DLG1: variants seen among roughly 807,000 people sequenced by gnomAD.
The protein encoded by DLG1 is discs large MAGUK scaffold protein 1, also known as disks large homolog 1.
In DLG1, 42 loss-of-function variants were observed where a neutral mutation model predicts 123.4. The observed-to-expected ratio is 0.34, with a 90% confidence interval of 0.27 to 0.44. DLG1 has a LOEUF of 0.44. Among genes scored for constraint, DLG1 ranks in the 20% least tolerant of loss-of-function variants. DLG1 has a pLI of 1.00. For missense variants in DLG1, 942 were observed against 1,082.6 expected (o/e 0.87, Z 1.82); for synonymous variants, 317 against 356.2 (o/e 0.89, Z 1.24).
At chr3:197,065,606 A>AT in intron 21 of DLG1, 102 bp downstream of exon 21, 1 of 1,018,190 alleles carries the variant, frequency 9.8e-7, no homozygotes, top group Non-Finnish European at 1.5e-6. Flanking sequence ...AACTGATAAA[A>AT]TAAGTACAAA....
chr3:197,216,656 C>T (rs565877329), intron 4 of DLG1, among the ~76,000 whole-genome samples: 5 of 152,266 alleles, frequency 3.3e-5, no homozygotes, highest in East Asian at 3.9e-4. Flanking sequence ...ATTTCAGACT[C>T]CCAGAAGGAG....
intron 24 of DLG1, among the ~76,000 whole-genome samples, chr3:197,045,172 T>C (rs1722061730): frequency 6.6e-6 from 1 of 150,540 alleles, no homozygotes; most frequent in African/African-American, 2.5e-5. Flanking sequence ...TACTACTTTT[T>C]TCAGTTAAGC....
At chr3:197,147,648 C>T (rs576202124) in intron 6 of DLG1, among the ~76,000 whole-genome samples, 5 of 152,092 alleles carry the variant, frequency 3.3e-5, no homozygotes, top group Admixed American at 2.0e-4. Flanking sequence ...GAGAATGATA[C>T]ATTGGCATTT....
rs551475867 is a variant in DLG1 at position 197,209,889 on chromosome 3, T to C, written c.319-15300A>G. 1.6e-4 allele frequency among the ~76,000 whole-genome samples: 23 copies of C among 146,740 alleles called. 2 individuals are homozygous for C. Among genetic ancestry groups the C allele is most frequent in the African/African-American group, 4.1e-4 (17 of 41,286 alleles). ...CCTCCAAACCCTTGGAATGTCCTGA[T>C]TGAATTTCCCTGGTTGGAATACTCA... is the stretch of plus-strand genomic sequence containing the variant. On this transcript the variant is annotated intron_variant, in intron 4 of 24. Transcript: ENST00000667157.
In DLG1 at chr3:197,051,595, A is replaced by T; in HGVS notation, c.2557T>A (p.Phe853Ile). Residue 853 changes from phenylalanine (F) to isoleucine (I), a missense_variant, in exon 24 of 25, where the codon TTT becomes ATT. By Grantham distance (21) the Phe-to-Ile change is conservative. Transcript: ENST00000667157. ...FERAMKLEQE[F>I]TEHFTAIVQG... ...TTCCAACCTGTGAAATGTTCAGTAA[A>T]CTCCTGTTCCAGTTTCATGGCTCTC... The T allele has an allele frequency of 6.2e-7, 1 of 1,613,646 alleles. No individual in the cohort carries two copies. The highest frequency in any genetic ancestry group is 8.5e-7 in the Non-Finnish European group (1 of 1,179,718).
At chr3:197,231,351 AGG>A (rs1742917357) in intron 4 of DLG1, among the ~76,000 whole-genome samples, 1 of 152,220 alleles carries the variant, frequency 6.6e-6, no homozygotes, top group Non-Finnish European at 1.5e-5. Flanking sequence ...TGTTATAAGT[AGG>A]CTTACAAAGT....
intron 5 of DLG1, among the ~76,000 whole-genome samples, chr3:197,163,273 T>C (rs1346699167): frequency 3.3e-5 from 5 of 152,192 alleles, no homozygotes; most frequent in Non-Finnish European, 7.4e-5. Context: ...TGTAAAATGG[T>C]ACAGCTTCTG....
intron 4 of DLG1, among the ~76,000 whole-genome samples, chr3:197,246,883 A>G (rs894313438): frequency 6.6e-6 from 1 of 152,110 alleles, no homozygotes; most frequent in Admixed American, 6.5e-5. Context: ...TGCTGCAGGA[A>G]TGTTTTGGAT....
intron 20 of DLG1, among the ~76,000 whole-genome samples, chr3:197,066,351 A>C (rs1402553997): frequency 6.6e-6 from 1 of 152,168 alleles, no homozygotes; most frequent in Non-Finnish European, 1.5e-5. Flanking sequence ...TGGGATAAAC[A>C]GTGCCTGGAA....
At chr3:197,048,164 G>GC (rs1391116649) in intron 24 of DLG1, among the ~76,000 whole-genome samples, 1 of 152,152 alleles carries the variant, frequency 6.6e-6, no homozygotes, top group African/African-American at 2.4e-5. Context: ...ATTAATCAGA[G>GC]CAACAGAAAC....
At chr3:197,131,592 T>A (rs1782562454) in intron 10 of DLG1, among the ~76,000 whole-genome samples, 1 of 123,218 alleles carries the variant, frequency 8.1e-6, no homozygotes, top group Non-Finnish European at 1.7e-5. Flanking sequence ...TTCTTTTTTT[T>A]TTTTTTTTTT....
At chr3:197,195,679 G>C (rs574251725) in intron 4 of DLG1, among the ~76,000 whole-genome samples, 2 of 152,138 alleles carry the variant, frequency 1.3e-5, no homozygotes, top group African/African-American at 4.8e-5. Context: ...GCTAAACACT[G>C]AACACACATG....
intron 3 of DLG1, among the ~76,000 whole-genome samples, chr3:197,284,946 G>A (rs1771108357): frequency 6.7e-6 from 1 of 149,722 alleles, no homozygotes; most frequent in Admixed American, 6.7e-5. Flanking sequence ...GCTCTAACAT[G>A]TACACTAAGA....
chr3:197,209,161 T>C lies in DLG1; in HGVS notation c.319-14572A>G, dbSNP rs566203223. The stretch of plus-strand genomic sequence containing the variant: ...CTTACTTCATGCAAAGCGAGAGATA[T>C]ACTTCGTAAAAAAAGGCAGAGTGAA... On this transcript the variant is annotated intron_variant, in intron 4 of 24. Transcript: ENST00000667157. Among the ~76,000 whole-genome samples the C allele has an allele frequency of 2.1e-5, 3 of 146,300 alleles. No individual in the cohort carries two copies. In the East Asian group the frequency reaches 5.9e-4, roughly 29 times the overall value.
chr3:197,298,935 T>C (rs28372946), upstream of DLG1: 39 of 205,368 alleles, frequency 1.9e-4, no homozygotes, highest in East Asian at 4.1e-3. Context: ...AGAAGGTTTG[T>C]TCATTCATTC....
chr3:197,268,429 C>T (rs1277571641), intron 4 of DLG1, among the ~76,000 whole-genome samples: 1 of 151,686 alleles, frequency 6.6e-6, no homozygotes, highest in African/African-American at 2.4e-5. Context: ...TATAACATTT[C>T]TTTTTTTGGA....
chr3:197,215,583 G>C (rs1390386674), intron 4 of DLG1, among the ~76,000 whole-genome samples: 1 of 151,596 alleles, frequency 6.6e-6, no homozygotes, highest in Non-Finnish European at 1.5e-5. Flanking sequence ...ATAACATAAC[G>C]GTCAGTTAAC....
At chr3:197,102,922 TC>T (rs1165331898) in intron 14 of DLG1, among the ~76,000 whole-genome samples, 1 of 152,104 alleles carries the variant, frequency 6.6e-6, no homozygotes, top group Non-Finnish European at 1.5e-5. Context: ...TTCCAGAAAG[TC>T]GAGGGGTGCA....
At chr3:197,170,419 CTCT>C (rs1244552939) in intron 5 of DLG1, among the ~76,000 whole-genome samples, 4 of 152,116 alleles carry the variant, frequency 2.6e-5, no homozygotes, top group South Asian at 2.1e-4. Context: ...TTGCCAGCAT[CTCT>C]TGTTTTGATT....
Sources: gnomAD v4.1 joint callset for allele counts (sites outside exome capture counted in the v4.1 genomes callset) on GRCh38, gnomAD v4.1.1 for gene constraint, MANE v1.5 for transcripts, NCBI Gene and HGNC (gene_info 2026-07-23, HGNC 2026-07-21) for gene names.